The following CADPS2 variants were observed in gnomAD, a reference collection of about 807,000 sequenced individuals.
CADPS2 encodes the protein calcium dependent secretion activator 2.
In CADPS2, 93 loss-of-function variants were observed where a neutral mutation model predicts 172.5. That is an observed-to-expected ratio of 0.54 (90% confidence interval 0.46 to 0.64). The LOEUF (loss-of-function observed/expected upper bound fraction) is 0.64, where lower values mean the gene tolerates loss of function less well. Among genes scored for constraint, CADPS2 ranks in the 30% least tolerant of loss-of-function variants. CADPS2 has a pLI of 0.00. For synonymous variants in CADPS2, 546 were observed against 555.2 expected (o/e 0.98, Z 0.23); for missense variants, 1,420 against 1,565.9 (o/e 0.91, Z 1.57).
chr7:122,553,455 T>G (rs2064588233), intron 8 of CADPS2, among the ~76,000 whole-genome samples: 1 of 152,126 alleles, frequency 6.6e-6, no homozygotes, highest in Non-Finnish European at 1.5e-5. Flanking sequence ...AAATCATGGT[T>G]CCATTTCTAA....
chr7:122,396,428 C>T (rs1330921055), intron 20 of CADPS2, among the ~76,000 whole-genome samples: 1 of 152,112 alleles, frequency 6.6e-6, no homozygotes, highest in East Asian at 1.9e-4. Context: ...ATTTCCTCTG[C>T]CAATCCATCT....
intron 1 of CADPS2, among the ~76,000 whole-genome samples, chr7:122,814,025 A>G (rs1389521641): frequency 2.0e-5 from 3 of 152,040 alleles, no homozygotes; most frequent in Non-Finnish European, 2.9e-5. Flanking sequence ...AAAGCTAGTC[A>G]TGTTATCCCC....
chr7:122,881,162 T>C (rs560856152), intron 1 of CADPS2, among the ~76,000 whole-genome samples: 1 of 152,254 alleles, frequency 6.6e-6, no homozygotes, highest in South Asian at 2.1e-4. Context: ...GTTTACTTTG[T>C]AAAAGTATGA....
At chr7:122,393,392 T>C (rs1172572564) in intron 21 of CADPS2, 49 bp downstream of exon 21, 2 of 1,613,136 alleles carry the variant, frequency 1.2e-6, no homozygotes. Flanking sequence ...AGTCATAAGG[T>C]CAGGGTTGAA....
intron 11 of CADPS2, among the ~76,000 whole-genome samples, chr7:122,487,293 G>C (rs918621847): frequency 6.6e-5 from 10 of 152,022 alleles, no homozygotes; most frequent in Non-Finnish European, 1.3e-4. Context: ...TTACAGGCTT[G>C]AGCCACTGCG....
In CADPS2 at chr7:122,388,610, C is replaced by T. The variant is rs1174802398; in HGVS notation, c.3137G>A (p.Ser1046Asn). 3 of 1,605,318 alleles carry T rather than the reference C, an allele frequency of 1.9e-6. No individual in the cohort carries two copies. The African/African-American group carries it at 4.0e-5, about 21-fold the overall frequency. Residue 1046 changes from serine (S) to asparagine (N), a missense_variant, in exon 23 of 30, where the codon AGT (serine) becomes AAT (asparagine). Coordinates refer to ENST00000449022, the MANE Select transcript of CADPS2 (RefSeq NM_017954.11). Reference protein sequence around the residue: ...HLEQRLKLMASDMLEACVKRT... With the variant: ...HLEQRLKLMANDMLEACVKRT... ...TTTGACACAGGCCTCTAGCATATCA[C>T]TGGCCATTAGTTTAAGTCTTTGCTC...
intron 9 of CADPS2, among the ~76,000 whole-genome samples, chr7:122,505,234 G>A (rs533222170): frequency 2.0e-5 from 3 of 152,216 alleles, no homozygotes; most frequent in South Asian, 4.1e-4. Flanking sequence ...GTTGTCAAAA[G>A]ACATGTGAGG....
At chr7:122,852,773 G>A (rs1397834441) in intron 1 of CADPS2, among the ~76,000 whole-genome samples, 1 of 152,096 alleles carries the variant, frequency 6.6e-6, no homozygotes. Flanking sequence ...CGCTTTTACT[G>A]GGAGTGAGAT....
intron 1 of CADPS2, among the ~76,000 whole-genome samples, chr7:122,876,943 T>C (rs1346040892): frequency 6.6e-6 from 1 of 152,098 alleles, no homozygotes; most frequent in Non-Finnish European, 1.5e-5. Context: ...AAAAAAACTA[T>C]TCTAGAGCAC....
chr7:122,429,461 G>T (rs945735705), intron 17 of CADPS2, among the ~76,000 whole-genome samples: 2 of 151,738 alleles, frequency 1.3e-5, no homozygotes, highest in African/African-American at 4.8e-5. Flanking sequence ...ACAGGTTACT[G>T]TCTTTGTTTT....
At chr7:122,674,827 G>T (rs1256251087) in intron 2 of CADPS2, among the ~76,000 whole-genome samples, 1 of 152,188 alleles carries the variant, frequency 6.6e-6, no homozygotes, top group East Asian at 1.9e-4. Flanking sequence ...TCACTTATAA[G>T]ACATGCCTTT....
chr7:122,873,679 T>C (rs766813151), intron 1 of CADPS2, among the ~76,000 whole-genome samples: 3 of 152,198 alleles, frequency 2.0e-5, no homozygotes, highest in Non-Finnish European at 2.9e-5. Context: ...CCTTTGGGTA[T>C]ATACCCAATA....
intron 1 of CADPS2, among the ~76,000 whole-genome samples, chr7:122,871,291 C>T (rs1287491578): frequency 2.0e-5 from 3 of 151,584 alleles, no homozygotes; most frequent in African/African-American, 7.3e-5. Flanking sequence ...AAATGAAAAA[C>T]AACCAATCTT....
chr7:122,456,277 A>G (rs2053766009), intron 14 of CADPS2, among the ~76,000 whole-genome samples: 1 of 152,108 alleles, frequency 6.6e-6, no homozygotes, highest in African/African-American at 2.4e-5. Flanking sequence ...GTGGTTATTT[A>G]AAATTCGAAC....
intron 1 of CADPS2, among the ~76,000 whole-genome samples, chr7:122,792,268 G>A (rs921941515): frequency 3.9e-5 from 6 of 152,100 alleles, no homozygotes; most frequent in Non-Finnish European, 5.9e-5. Context: ...CCAAAGTGAC[G>A]GTATTTGGAG....
chr7:122,863,348 T>A (rs1007578355), intron 1 of CADPS2, among the ~76,000 whole-genome samples: 2 of 152,198 alleles, frequency 1.3e-5, no homozygotes, highest in Non-Finnish European at 2.9e-5. Flanking sequence ...ACATAATGTT[T>A]AAGAGAACAC....
intron 2 of CADPS2, chr7:122,701,682 A>C: frequency 2.1e-6 from 1 of 473,826 alleles, no homozygotes; most frequent in Non-Finnish European, 3.7e-6. Flanking sequence ...CATGATAAGG[A>C]GTTTTATTTT....
At chr7:122,672,783 T>C (rs1046202727) in intron 2 of CADPS2, among the ~76,000 whole-genome samples, 3 of 152,202 alleles carry the variant, frequency 2.0e-5, no homozygotes, top group East Asian at 3.8e-4. Context: ...ACACAACTTA[T>C]TCAGTGTGGC....
chr7:122,691,939 A>G (rs540272866), intron 2 of CADPS2, among the ~76,000 whole-genome samples: 2 of 152,338 alleles, frequency 1.3e-5, no homozygotes, highest in South Asian at 4.1e-4. Context: ...ACTGGTCTTC[A>G]TAACCATTAA....
Sources: allele counts gnomAD v4.1 joint callset (sites outside exome capture counted in the v4.1 genomes callset), GRCh38; gene constraint gnomAD v4.1.1; transcripts MANE v1.5; gene names NCBI Gene and HGNC (gene_info 2026-07-23, HGNC 2026-07-21).